Variants in MALSU1 observed in about 807,000 individuals in gnomAD.
The protein encoded by MALSU1 is mitochondrial assembly of ribosomal large subunit 1, also known as mitochondrial assembly of ribosomal large subunit protein 1.
In MALSU1, 22 loss-of-function variants were observed where a neutral mutation model predicts 22.1. That is an observed-to-expected ratio of 1.00 (90% CI 0.71 to 1.42). The LOEUF (loss-of-function observed/expected upper bound fraction) is 1.42. Ranked by LOEUF, MALSU1 falls within the 40% of genes most tolerant of loss-of-function variation. The pLI is 0.00. For synonymous variants in MALSU1, 153 were observed against 118.5 expected (o/e 1.29, Z -1.89); for missense variants, 379 against 308.3 (o/e 1.23, Z -1.72).
chr7:23,308,928 G>C (rs1198812238), intron 3 of MALSU1, among the ~76,000 whole-genome samples: 1 of 152,148 alleles, frequency 6.6e-6, no homozygotes, highest in Non-Finnish European at 1.5e-5. Flanking sequence ...GAGAAATGCT[G>C]CTGTAAGCAA....
At chr7:23,307,820 G>A in intron 2 of MALSU1, 48 bp from the exon 3 acceptor site, 1 of 1,220,968 alleles carries the variant, frequency 8.2e-7, no homozygotes, top group Non-Finnish European at 1.2e-6. Flanking sequence ...GCAAGAACAG[G>A]CTTCCCCCAT....
In MALSU1 at chr7:23,309,816, C is replaced by T. The variant is rs141526504; in HGVS notation, c.*273C>T. 54 of 230,292 alleles carry T rather than the reference C, an allele frequency of 2.3e-4. No individual in the cohort carries two copies. In the East Asian group the frequency reaches 3.6e-3, roughly 15 times the overall value. The allele number at this position is 230,292 out of a possible 1,614,324, so 14.3% of individuals were successfully genotyped here. A position where few individuals can be genotyped will look rare whatever the true frequency, so the allele number is the denominator to read the frequency against. ...CCTGGAGTTAGCACTGGCTCCTGTG[C>T]TTGACTTCTCTGCTCAGATTTTTAT... On this transcript the variant is annotated 3_prime_UTR_variant, in exon 4 of 4. Transcript: ENST00000466681.
In MALSU1 at chr7:23,299,404, A is replaced by G; in HGVS notation, c.52A>G (p.Arg18Gly). ...GCTGCTCGCCCCACTAATGTGGCGC[A>G]GGGCGGTTTCCTCGGTGGCGGGGTC... is the stretch of plus-strand genomic sequence containing the variant. ...ARLLAPLMWRRAVSSVAGSAV... is the reference protein window; with the variant it reads ...ARLLAPLMWRGAVSSVAGSAV... Residue 18 changes from arginine to glycine, a missense_variant, in exon 1 of 4, where the codon AGG (arginine) becomes GGG (glycine). Physicochemically the swap from Arg to Gly is moderately radical, Grantham distance 125. Coordinates refer to ENST00000466681, the MANE Select transcript of MALSU1 (RefSeq NM_138446.2). 1.3e-6 allele frequency: 2 copies of G among 1,599,636 alleles called. No homozygotes were observed. Among genetic ancestry groups the G allele is most frequent in the Non-Finnish European group, 1.7e-6 (2 of 1,177,786 alleles).
At chr7:23,302,742 G>T (rs1783664959) in intron 2 of MALSU1, among the ~76,000 whole-genome samples, 1 of 152,194 alleles carries the variant, frequency 6.6e-6, no homozygotes, top group South Asian at 2.1e-4. Flanking sequence ...AAGTTTTGTT[G>T]TTTGTGGTAA....
In MALSU1 at chr7:23,299,416, T is replaced by G; in HGVS notation, c.64T>G (p.Ser22Ala). ...APLMWRRAVS[S>A]VAGSAVGAEP... ...ACTAATGTGGCGCAGGGCGGTTTCC[T>G]CGGTGGCGGGGTCCGCGGTTGGAGC... Residue 22 changes from serine to alanine, a missense_variant, in exon 1 of 4, where the codon TCG becomes GCG. Transcript: ENST00000466681. 6.2e-7 allele frequency: 1 copy of G among 1,601,798 alleles called. No individual in the cohort carries two copies. Among genetic ancestry groups the G allele is most frequent in the Non-Finnish European group, 8.5e-7 (1 of 1,178,162 alleles).
At position 23,310,149 on chromosome 7, in the gene MALSU1, A is replaced by G. The variant is rs1783790574; in HGVS notation, c.*606A>G. 6.6e-6 allele frequency: 1 copy of G among 152,214 alleles called. No homozygotes were observed. The highest frequency in any genetic ancestry group is 1.5e-5 in the Non-Finnish European group (1 of 68,038). The allele number at this position is 152,214 out of a possible 1,614,324, so 9.4% of individuals were successfully genotyped here. On this transcript the variant is annotated 3_prime_UTR_variant, in exon 4 of 4. Coordinates refer to ENST00000466681, the MANE Select transcript of MALSU1 (RefSeq NM_138446.2). ...CAGAAATCTGCGTAGAGTTTGAAAA[A>G]AAATTCAGAACATTCCCATTCAATT...
intron 2 of MALSU1, among the ~76,000 whole-genome samples, chr7:23,304,050 G>A (rs1364024759): frequency 2.0e-5 from 3 of 151,652 alleles, no homozygotes; most frequent in Non-Finnish European, 4.4e-5. Flanking sequence ...AGGTTGCAGT[G>A]AGCCGAGATT....
chr7:23,302,424 T>C (rs1294427634), intron 2 of MALSU1, among the ~76,000 whole-genome samples: 1 of 151,968 alleles, frequency 6.6e-6, no homozygotes, highest in Admixed American at 6.6e-5. Context: ...TAGAGAAAGG[T>C]TGTAAAATAA....
In MALSU1 at chr7:23,299,529, C is replaced by T. The variant is rs769569726; in HGVS notation, c.177C>T (p.Arg59=). 4 of 1,612,688 alleles carry T rather than the reference C, an allele frequency of 2.5e-6. No individual in the cohort carries two copies. In the South Asian group the frequency reaches 3.3e-5, roughly 13 times the overall value. ...CRACQTPNFV[R]GLHSEPGLEE... ...CTTGCCAGACCCCAAACTTTGTCCG[C>T]GGCCTGCACAGCGAGCCTGGGCTGG... Residue 59 remains arginine (R), a synonymous_variant, in exon 1 of 4, where the codon CGC becomes CGT. Coordinates refer to ENST00000466681, the MANE Select transcript of MALSU1 (RefSeq NM_138446.2).
At chr7:23,308,087 A>G (rs963249729) in intron 3 of MALSU1, 138 bp downstream of exon 3, 2 of 736,818 alleles carry the variant, frequency 2.7e-6, no homozygotes, top group Non-Finnish European at 4.6e-6. Context: ...TAAGGTAACA[A>G]AAGTTTTTTT....
rs1783796133 is a variant in MALSU1 at position 23,310,398 on chromosome 7, CATACTAAA to C, written c.*857_*864del. On this transcript the variant is annotated 3_prime_UTR_variant, in exon 4 of 4. Coordinates refer to ENST00000466681, the MANE Select transcript of MALSU1 (RefSeq NM_138446.2). ...TAAGTAAAAGTAAAATATGATTTGC[CATACTAAA>C]AGGCTAGAAGTGAAATATGACAGAA... 6.6e-6 allele frequency: 1 copy of C among 152,070 alleles called. No individual in the cohort carries two copies. The allele number at this position is 152,070 out of a possible 1,614,324, so 9.4% of individuals were successfully genotyped here.
intron 3 of MALSU1, among the ~76,000 whole-genome samples, chr7:23,309,149 G>A (rs1276724914): frequency 1.3e-5 from 2 of 152,174 alleles, no homozygotes; most frequent in African/African-American, 4.8e-5. Context: ...GTTATATATT[G>A]ACATATGCCT....
At chr7:23,303,631 TACAAAAAAG>T (rs1490638301) in intron 2 of MALSU1, among the ~76,000 whole-genome samples, 1 of 151,238 alleles carries the variant, frequency 6.6e-6, no homozygotes, top group Non-Finnish European at 1.5e-5. Flanking sequence ...ACTCCATCTC[TACAAAAAAG>T]ACAAAAAATA....
intron 3 of MALSU1, 54 bp from the exon 4 acceptor site, chr7:23,309,302 G>A (rs1783770497): frequency 6.7e-7 from 1 of 1,483,864 alleles, no homozygotes; most frequent in Non-Finnish European, 9.1e-7. Context: ...TGTAAGGTAA[G>A]AATAAAAGCA....
At chr7:23,300,708 C>T in intron 1 of MALSU1, 131 bp from the exon 2 acceptor site, 1 of 745,008 alleles carries the variant, frequency 1.3e-6, no homozygotes. Flanking sequence ...GAGGCCTTTA[C>T]CCTGCTATCT....
At position 23,310,438 on chromosome 7, in the gene MALSU1, C is replaced by A. The variant is rs1783796742; in HGVS notation, c.*895C>A. The A allele has an allele frequency of 6.6e-6, 1 of 152,066 alleles. No individual in the cohort carries two copies. Among genetic ancestry groups the A allele is most frequent in the Non-Finnish European group, 1.5e-5 (1 of 68,022 alleles). The allele number at this position is 152,066 out of a possible 1,614,324, so 9.4% of individuals were successfully genotyped here. A position where few individuals can be genotyped will look rare whatever the true frequency, so the allele number is the denominator to read the frequency against. ...GAAGTGAAATATGACAGAATTTAAA[C>A]CAGCAGATATAAATGCAGCACCTAT... On this transcript the variant is annotated 3_prime_UTR_variant, in exon 4 of 4. Transcript: ENST00000466681.
Position 23,301,157 on chromosome 7 carries a change from T to C in MALSU1, c.435+140T>C, listed in dbSNP as rs576930916. 3 of 695,334 alleles carry C rather than the reference T, an allele frequency of 4.3e-6. No homozygotes were observed. The South Asian group carries it at 6.6e-5, about 15-fold the overall frequency. The allele number at this position is 695,334 out of a possible 1,614,324, so 43.1% of individuals were successfully genotyped here. A position where few individuals can be genotyped will look rare whatever the true frequency, so the allele number is the denominator to read the frequency against. On this transcript the variant is annotated intron_variant, in intron 2 of 3. Coordinates refer to ENST00000466681, the MANE Select transcript of MALSU1 (RefSeq NM_138446.2). ...CCCAAATTTTCAGAATTTGCATGAA[T>C]TCATTTTATGTTCTTTGATAGTGAA...
intron 2 of MALSU1, among the ~76,000 whole-genome samples, chr7:23,303,603 C>T (rs1161089350): frequency 6.6e-6 from 1 of 151,776 alleles, no homozygotes; most frequent in East Asian, 1.9e-4. Flanking sequence ...TTGAAACCAG[C>T]CTGGGCAACA....
At chr7:23,306,016 G>A (rs924227401) in intron 2 of MALSU1, among the ~76,000 whole-genome samples, 3 of 152,138 alleles carry the variant, frequency 2.0e-5, no homozygotes, top group Non-Finnish European at 4.4e-5. Flanking sequence ...CCAACATGGA[G>A]AAACCCCGTC....
Sources: allele counts gnomAD v4.1 joint callset (sites outside exome capture counted in the v4.1 genomes callset), GRCh38; gene constraint gnomAD v4.1.1; transcripts MANE v1.5; gene names NCBI Gene and HGNC (gene_info 2026-07-23, HGNC 2026-07-21).